Variants in CCDC85A observed in about 807,000 individuals in gnomAD.
The protein encoded by CCDC85A is coiled-coil domain-containing protein 85A.
A neutral mutation model predicts 50.2 loss-of-function variants in CCDC85A; 38 were observed. That is an observed-to-expected ratio of 0.76 (90% CI 0.58 to 0.99). The LOEUF (loss-of-function observed/expected upper bound fraction) is 0.99, where lower values mean the gene tolerates loss of function less well. Ranked by LOEUF, CCDC85A falls within the 50% of genes least tolerant of loss-of-function variation. The probability of loss-of-function intolerance (pLI) is 0.00; values close to 1 mark genes in which losing one functional copy is unlikely to be tolerated. For missense variants in CCDC85A, 820 were observed against 742.0 expected (o/e 1.11, Z -1.22); for synonymous variants, 366 against 301.4 (o/e 1.21, Z -2.22).
intron 3 of CCDC85A, among the ~76,000 whole-genome samples, chr2:56,364,298 G>A (rs952759892): frequency 6.6e-6 from 1 of 151,106 alleles, no homozygotes; most frequent in African/African-American, 2.4e-5. Context: ...AAGGCATCCT[G>A]CTAACCTTCT....
At chr2:56,223,691 G>T (rs139251349) in intron 2 of CCDC85A, among the ~76,000 whole-genome samples, 35 of 152,200 alleles carry the variant, frequency 2.3e-4, no homozygotes, top group African/African-American at 6.7e-4. Flanking sequence ...GTCTAAAGGA[G>T]AATTTACTTC....
At chr2:56,276,644 G>C (rs1223938406) in intron 2 of CCDC85A, among the ~76,000 whole-genome samples, 1 of 152,134 alleles carries the variant, frequency 6.6e-6, no homozygotes, top group East Asian at 1.9e-4. Flanking sequence ...CAGCCACTTG[G>C]AACTGTAAGT....
rs1180714144 is a variant in CCDC85A, at chr2:56,372,248, G to T, written c.1318-96G>T. 24 of 1,261,700 alleles carry T rather than the reference G, an allele frequency of 1.9e-5. 1 individual carries two copies. The highest frequency in any genetic ancestry group is 3.2e-5 in the Admixed American group (1 of 31,322). The allele number at this position is 1,261,700 out of a possible 1,614,324, so 78.2% of individuals were successfully genotyped here. The stretch of plus-strand genomic sequence containing the variant: ...TACAGCTTGCCATTGTGGTCATTGT[G>T]GTTCATCTCATTAAGCTTCATGTTC... On this transcript the variant is annotated intron_variant, in intron 3 of 5. Coordinates refer to ENST00000407595, the MANE Select transcript of CCDC85A (RefSeq NM_001080433.2).
chr2:56,362,854 C>T (rs892820360), intron 3 of CCDC85A, among the ~76,000 whole-genome samples: 1 of 152,030 alleles, frequency 6.6e-6, no homozygotes, highest in African/African-American at 2.4e-5. Flanking sequence ...AAACTCCTGA[C>T]CTCAGGTGAT....
At chr2:56,360,177 A>G (rs917445629) in intron 3 of CCDC85A, among the ~76,000 whole-genome samples, 2 of 152,276 alleles carry the variant, frequency 1.3e-5, no homozygotes, top group African/African-American at 2.4e-5. Context: ...AAGATTAACC[A>G]AATGCATTCA....
intron 2 of CCDC85A, among the ~76,000 whole-genome samples, chr2:56,327,372 T>TATGTA (rs1673529373): frequency 1.3e-5 from 2 of 152,122 alleles, no homozygotes; most frequent in Non-Finnish European, 2.9e-5. Flanking sequence ...AGGGAACACT[T>TATGTA]CCAACCTAGA....
intron 2 of CCDC85A, among the ~76,000 whole-genome samples, chr2:56,269,869 A>G (rs1670622827): frequency 6.6e-6 from 1 of 152,156 alleles, no homozygotes; most frequent in African/African-American, 2.4e-5. Flanking sequence ...TAGCGCTATT[A>G]TATTTTCTAT....
chr2:56,302,485 G>C (rs553339502), intron 2 of CCDC85A, among the ~76,000 whole-genome samples: 1 of 152,116 alleles, frequency 6.6e-6, no homozygotes, highest in Non-Finnish European at 1.5e-5. Context: ...TTATTTTTCT[G>C]TCACCTGACA....
chr2:56,253,067 A>C (rs960209532), intron 2 of CCDC85A, among the ~76,000 whole-genome samples: 1 of 152,100 alleles, frequency 6.6e-6, no homozygotes, highest in African/African-American at 2.4e-5. Flanking sequence ...AAATATACAG[A>C]CAGAAGAAGA....
chr2:56,300,789 C>T (rs965366864), intron 2 of CCDC85A, among the ~76,000 whole-genome samples: 2 of 152,104 alleles, frequency 1.3e-5, no homozygotes, highest in African/African-American at 4.8e-5. Flanking sequence ...AAAGACTGGC[C>T]CACTTTTATA....
intron 2 of CCDC85A, among the ~76,000 whole-genome samples, chr2:56,320,653 C>A: frequency 6.6e-6 from 1 of 152,002 alleles, no homozygotes. Context: ...AATTAATAGC[C>A]TACCAACCAA....
chr2:56,231,968 A>G (rs1255832597), intron 2 of CCDC85A, among the ~76,000 whole-genome samples: 8 of 152,068 alleles, frequency 5.3e-5, no homozygotes. Context: ...CTTGGTGATC[A>G]TGATGTCATG....
At chr2:56,225,590 C>T (rs978780353) in intron 2 of CCDC85A, among the ~76,000 whole-genome samples, 1 of 152,204 alleles carries the variant, frequency 6.6e-6, no homozygotes, top group African/African-American at 2.4e-5. Flanking sequence ...ACTGTTTACC[C>T]CACACCAAGG....
At chr2:56,375,083 G>C (rs533795637) in intron 4 of CCDC85A, among the ~76,000 whole-genome samples, 1 of 151,986 alleles carries the variant, frequency 6.6e-6, no homozygotes, top group Non-Finnish European at 1.5e-5. Context: ...TTTCTTTACT[G>C]ATCCATTAGT....
rs557707278 is a variant in CCDC85A at position 56,246,213 on chromosome 2, C to T, written c.1240+52773C>T. ...TGCTGGGATTATAGGAGTGAGCCAC[C>T]ACGCCCGGCCCAAGTTATTTGTCTC... On this transcript the variant is annotated intron_variant, in intron 2 of 5. Transcript: ENST00000407595. 9.6e-4 allele frequency among the ~76,000 whole-genome samples: 146 copies of T among 152,252 alleles called. 2 individuals carry two copies. Among genetic ancestry groups the T allele is most frequent in the African/African-American group, 3.4e-3 (142 of 41,544 alleles).
intron 3 of CCDC85A, among the ~76,000 whole-genome samples, chr2:56,349,121 G>A (rs1425500401): frequency 2.0e-5 from 3 of 152,104 alleles, no homozygotes; most frequent in East Asian, 1.9e-4. Flanking sequence ...CATGAAGAGC[G>A]ACCCTAATTA....
At chr2:56,329,945 G>GTTTTTTTTTTTTTT (rs535050957) in intron 2 of CCDC85A, among the ~76,000 whole-genome samples, 3 of 44,162 alleles carry the variant, frequency 6.8e-5, no homozygotes, top group Admixed American at 3.1e-4. Context: ...CAGATTTCCT[G>GTTTTTTTTTTTTTT]TTTTTTTTTT....
chr2:56,276,329 C>A (rs1250182751), intron 2 of CCDC85A, among the ~76,000 whole-genome samples: 2 of 130,420 alleles, frequency 1.5e-5, no homozygotes, highest in Non-Finnish European at 3.4e-5. Flanking sequence ...CTGAAGATGA[C>A]TGGCTAGAGG....
At chr2:56,265,408 ATTTTAAAAAGGG>A (rs1247893012) in intron 2 of CCDC85A, among the ~76,000 whole-genome samples, 2 of 112,274 alleles carry the variant, frequency 1.8e-5, no homozygotes, top group African/African-American at 6.2e-5. Context: ...AAATAACCCT[ATTTTAAAAAGGG>A]CAAAGGACCT....
Sources: gnomAD v4.1 joint callset for allele counts (sites outside exome capture counted in the v4.1 genomes callset) on GRCh38, gnomAD v4.1.1 for gene constraint, MANE v1.5 for transcripts, NCBI Gene and HGNC (gene_info 2026-07-23, HGNC 2026-07-21) for gene names.